The following UQCC1 variants were observed in gnomAD, a reference collection of about 807,000 sequenced individuals.
UQCC1 encodes bFGF-repressed Zic-binding protein.
A neutral mutation model predicts 48.0 loss-of-function variants in UQCC1; 38 were observed. The observed-to-expected ratio is 0.79, with a 90% CI of 0.61 to 1.04. UQCC1 has a LOEUF of 1.04. UQCC1 is among the 50% of genes least tolerant of loss of function. UQCC1 has a pLI of 0.00. For missense variants in UQCC1, 368 were observed against 381.8 expected, an observed-to-expected ratio of 0.96 and a Z score of 0.30; for synonymous variants, 111 against 129.2, an observed-to-expected ratio of 0.86 and a Z score of 0.95.
At chr20:35,321,134 A>G (rs2061119721) in intron 7 of UQCC1, among the ~76,000 whole-genome samples, 1 of 152,208 alleles carries the variant, frequency 6.6e-6, no homozygotes, top group African/African-American at 2.4e-5. Flanking sequence ...GTAGACAGAC[A>G]AGAGAGACGG....
chr20:35,305,095 C>G (rs921356262), intron 9 of UQCC1, among the ~76,000 whole-genome samples: 2 of 152,240 alleles, frequency 1.3e-5, no homozygotes, highest in African/African-American at 4.8e-5. Flanking sequence ...CTTCAGCACT[C>G]TGCCCTCCCT....
intron 5 of UQCC1, among the ~76,000 whole-genome samples, chr20:35,372,207 G>A (rs1381903379): frequency 6.6e-6 from 1 of 151,860 alleles, no homozygotes; most frequent in Non-Finnish European, 1.5e-5. Context: ...AGCTACTTGG[G>A]AGGCTGAGGC....
intron 7 of UQCC1, among the ~76,000 whole-genome samples, chr20:35,324,001 T>C (rs2061161600): frequency 6.6e-6 from 1 of 152,214 alleles, no homozygotes; most frequent in Admixed American, 6.5e-5. Flanking sequence ...ATGCCTGTAA[T>C]CCTAGCACTT....
At chr20:35,332,935 T>C (rs2061273651) in intron 7 of UQCC1, among the ~76,000 whole-genome samples, 1 of 152,154 alleles carries the variant, frequency 6.6e-6, no homozygotes, top group African/African-American at 2.4e-5. Flanking sequence ...CAAAAACCCT[T>C]TGATGGAGCC....
chr20:35,373,850 C>A (rs2061763563), intron 5 of UQCC1, among the ~76,000 whole-genome samples: 1 of 151,940 alleles, frequency 6.6e-6, no homozygotes, highest in African/African-American at 2.4e-5. Flanking sequence ...TTTATAGGAT[C>A]CTTTTGCTCT....
At chr20:35,385,094 GGAAAAAAATAAA>G (rs1162728089) in intron 2 of UQCC1, among the ~76,000 whole-genome samples, 3 of 151,876 alleles carry the variant, frequency 2.0e-5, no homozygotes, top group African/African-American at 7.3e-5. Context: ...CCGTATATGG[GGAAAAAAATAAA>G]GACACCAGCC....
intron 1 of UQCC1, among the ~76,000 whole-genome samples, chr20:35,405,836 C>A (rs1320641432): frequency 1.3e-5 from 2 of 152,222 alleles, no homozygotes; most frequent in Admixed American, 6.5e-5. Context: ...TGCAGTGAGC[C>A]AAGATGGCAC....
chr20:35,399,467 T>C (rs919625811), intron 1 of UQCC1, among the ~76,000 whole-genome samples: 5 of 152,304 alleles, frequency 3.3e-5, no homozygotes, highest in Admixed American at 2.6e-4. Context: ...GGTTTGGGAA[T>C]CACTGCTTCA....
chr20:35,357,973 G>A (rs2061565040), intron 6 of UQCC1, among the ~76,000 whole-genome samples: 1 of 152,246 alleles, frequency 6.6e-6, no homozygotes, highest in South Asian at 2.1e-4. Context: ...GACCTCTGTT[G>A]GAAACGAGGG....
intron 1 of UQCC1, among the ~76,000 whole-genome samples, chr20:35,395,158 A>G (rs1601014701): frequency 6.6e-6 from 1 of 152,154 alleles, no homozygotes; most frequent in East Asian, 1.9e-4. Flanking sequence ...CATTACGTAG[A>G]CATGATTGAT....
intron 7 of UQCC1, among the ~76,000 whole-genome samples, chr20:35,331,748 G>A (rs1399314876): frequency 1.3e-5 from 2 of 152,152 alleles, no homozygotes; most frequent in East Asian, 1.9e-4. Context: ...AACAGGAGAC[G>A]GATGAAAGAT....
chr20:35,363,967 C>A (rs2061636853), intron 6 of UQCC1, among the ~76,000 whole-genome samples: 1 of 152,146 alleles, frequency 6.6e-6, no homozygotes, highest in Non-Finnish European at 1.5e-5. Flanking sequence ...CCCGCCCCTG[C>A]ACGATTCCAT....
At chr20:35,325,931 A>G (rs966475955) in intron 7 of UQCC1, among the ~76,000 whole-genome samples, 1 of 152,186 alleles carries the variant, frequency 6.6e-6, no homozygotes, top group South Asian at 2.1e-4. Flanking sequence ...CAGAAGGTGG[A>G]GCTGGAAGGG....
At chr20:35,342,519 G>A (rs1277642468) in intron 7 of UQCC1, among the ~76,000 whole-genome samples, 1 of 152,246 alleles carries the variant, frequency 6.6e-6, no homozygotes, top group Non-Finnish European at 1.5e-5. Flanking sequence ...GAGAGGCAGA[G>A]AGTGAAATTT....
intron 1 of UQCC1, among the ~76,000 whole-genome samples, chr20:35,396,051 C>A (rs1172076557): frequency 7.5e-6 from 1 of 133,418 alleles, no homozygotes; most frequent in Non-Finnish European, 1.5e-5. Context: ...GGGCCATGAT[C>A]CCAGCTCATT....
At chr20:35,377,359 C>A (rs886782923) in intron 4 of UQCC1, among the ~76,000 whole-genome samples, 1 of 152,142 alleles carries the variant, frequency 6.6e-6, no homozygotes, top group South Asian at 2.1e-4. Context: ...AGTATCTGAC[C>A]ACAGAACACA....
chr20:35,397,439 C>A (rs752028621), intron 1 of UQCC1, among the ~76,000 whole-genome samples: 5 of 150,040 alleles, frequency 3.3e-5, no homozygotes, highest in African/African-American at 4.9e-5. Flanking sequence ...TGGCATGAAC[C>A]CGGGAGGCGG....
intron 6 of UQCC1, among the ~76,000 whole-genome samples, chr20:35,363,957 C>G (rs1463453265): frequency 6.6e-6 from 1 of 152,124 alleles, no homozygotes; most frequent in African/African-American, 2.4e-5. Context: ...GCCTGCCCAC[C>G]CCGCCCCTGC....
At chr20:35,362,732 CTGTT>C (rs774910923) in intron 6 of UQCC1, among the ~76,000 whole-genome samples, 1 of 151,848 alleles carries the variant, frequency 6.6e-6, no homozygotes, top group East Asian at 1.9e-4. Flanking sequence ...GTGTGTGTGT[CTGTT>C]TGTGTACTGA....
Sources: allele counts gnomAD v4.1 joint callset (sites outside exome capture counted in the v4.1 genomes callset), GRCh38; gene constraint gnomAD v4.1.1; transcripts MANE v1.5; gene names NCBI Gene and HGNC (gene_info 2026-07-23, HGNC 2026-07-21).